RTN3: variants seen among roughly 807,000 people sequenced by gnomAD.
RTN3 encodes the protein reticulon 3.
A neutral mutation model predicts 77.8 loss-of-function variants in RTN3; 49 were observed. The observed-to-expected ratio is 0.63, with a 90% confidence interval of 0.50 to 0.80. The LOEUF is 0.80. RTN3 is among the 30% of genes least tolerant of loss of function. RTN3 has a pLI of 0.00. For synonymous variants in RTN3, 464 were observed against 446.9 expected (o/e 1.04, Z -0.48); for missense variants, 1,236 against 1,211.9 (o/e 1.02, Z -0.29).
chr11:63,688,782 C>T (rs1483243858), intron 1 of RTN3, among the ~76,000 whole-genome samples: 1 of 152,016 alleles, frequency 6.6e-6, no homozygotes, highest in Non-Finnish European at 1.5e-5. Context: ...ATATATTTAT[C>T]CTGATATAGG....
At chr11:63,755,260 CTT>C (rs2014314809) in intron 7 of RTN3, among the ~76,000 whole-genome samples, 2 of 152,124 alleles carry the variant, frequency 1.3e-5, no homozygotes, top group South Asian at 4.1e-4. Context: ...CCAAGTAAGA[CTT>C]AACCTCTGCA....
At chr11:63,725,743 C>T (rs1226215273) in intron 3 of RTN3, among the ~76,000 whole-genome samples, 1 of 152,306 alleles carries the variant, frequency 6.6e-6, no homozygotes, top group African/African-American at 2.4e-5. Context: ...TGAGCCACCG[C>T]GCCCGGCCTT....
rs756964576 is a variant in RTN3, at chr11:63,753,100, T to C, written c.2909T>C (p.Val970Ala). Reference sequence around the variant, plus strand: ...GTCTTCATGTGGCTGATGACCTATGTTGGTGCTGTTTTTAACGGAATCACC... The same window carrying C: ...GTCTTCATGTGGCTGATGACCTATGCTGGTGCTGTTTTTAACGGAATCACC... Reference protein sequence around the residue: ...LAVFMWLMTYVGAVFNGITLL... With the variant: ...LAVFMWLMTYAGAVFNGITLL... The change falls in exon 6 of 9, where the codon GTT becomes GCT. Residue 970 changes from valine (V) to alanine (A), a missense_variant. Physicochemically the swap from Val to Ala is moderately conservative, Grantham distance 64 (BLOSUM62 0). Around this residue, in one of 3 missense-constraint regions of RTN3, gnomAD observed 141 missense variants for 154.9 expected, o/e 0.91. Coordinates refer to ENST00000377819, the MANE Select transcript of RTN3 (RefSeq NM_001265589.2). The C allele has an allele frequency of 6.2e-7, 1 of 1,614,208 alleles. No individual in the cohort carries two copies. Among genetic ancestry groups the C allele is most frequent in the Non-Finnish European group, 8.5e-7 (1 of 1,180,024 alleles).
chr11:63,718,397 C>T (rs1016694377), intron 2 of RTN3, among the ~76,000 whole-genome samples: 2 of 152,084 alleles, frequency 1.3e-5, no homozygotes, highest in Non-Finnish European at 2.9e-5. Context: ...TCAATCTTAC[C>T]GCCCTTCTTT....
intron 3 of RTN3, among the ~76,000 whole-genome samples, chr11:63,722,659 T>C (rs1431109244): frequency 3.3e-5 from 5 of 152,240 alleles, no homozygotes; most frequent in Non-Finnish European, 7.3e-5. Context: ...ATAGCTCTTA[T>C]ACTCTAGCAT....
intron 3 of RTN3, among the ~76,000 whole-genome samples, chr11:63,731,974 T>C (rs1413614753): frequency 1.3e-5 from 2 of 151,994 alleles, no homozygotes; most frequent in African/African-American, 2.4e-5. Context: ...TAAATGCTTA[T>C]ATTGGAAAAG....
At chr11:63,722,014 T>G (rs904547811) in intron 3 of RTN3, among the ~76,000 whole-genome samples, 12 of 152,182 alleles carry the variant, frequency 7.9e-5, no homozygotes, top group Non-Finnish European at 1.6e-4. Context: ...TTCTCTTGTC[T>G]TTTATCTATT....
intron 2 of RTN3, among the ~76,000 whole-genome samples, chr11:63,709,746 A>AGAAAATTCAAGTGTAGGAAAACCTATACC: frequency 6.6e-6 from 1 of 152,202 alleles, no homozygotes; most frequent in Non-Finnish European, 1.5e-5. Context: ...TGTGAACATG[A>AGAAAATTCAAGTGTAGGAAAACCTATACC]GAAAATTCAA....
chr11:63,725,195 A>G (rs1383501642), intron 3 of RTN3, among the ~76,000 whole-genome samples: 1 of 152,144 alleles, frequency 6.6e-6, no homozygotes, highest in Non-Finnish European at 1.5e-5. Flanking sequence ...TTTTAAATAA[A>G]TGTGTTTGTA....
At chr11:63,754,649 G>A (rs371911939) in intron 7 of RTN3, among the ~76,000 whole-genome samples, 5 of 141,238 alleles carry the variant, frequency 3.5e-5, no homozygotes, top group Admixed American at 7.4e-5. Flanking sequence ...GCAGTGAGCC[G>A]AGATTGCACC....
chr11:63,710,948 G>A (rs1001430996), intron 2 of RTN3, among the ~76,000 whole-genome samples: 2 of 152,152 alleles, frequency 1.3e-5, no homozygotes, highest in Admixed American at 1.3e-4. Context: ...CTTTGACCCT[G>A]CTGGTGGTAA....
chr11:63,712,467 T>G (rs918306438), intron 2 of RTN3, among the ~76,000 whole-genome samples: 3 of 148,908 alleles, frequency 2.0e-5, no homozygotes, highest in African/African-American at 7.4e-5. Context: ...TTAGTAATTG[T>G]GATTAAAGGA....
intron 7 of RTN3, among the ~76,000 whole-genome samples, chr11:63,755,064 A>C (rs1415309322): frequency 3.3e-5 from 5 of 151,822 alleles, no homozygotes; most frequent in Non-Finnish European, 2.9e-5. Context: ...AGTATACTAG[A>C]TGCCATGAGA....
chr11:63,691,114 C>CTTTTTTT (rs796809025), intron 1 of RTN3, among the ~76,000 whole-genome samples: 119 of 91,884 alleles, frequency 1.3e-3, no homozygotes, highest in Non-Finnish European at 1.7e-3. Context: ...ATTGCTAATT[C>CTTTTTTT]TTTTTTTTTT....
chr11:63,753,786 G>A, intron 7 of RTN3, 78 bp downstream of exon 7: 1 of 1,261,212 alleles, frequency 7.9e-7, no homozygotes, highest in Non-Finnish European at 1.2e-6. Context: ...GACATTGAAT[G>A]TTCAGAGCAG....
intron 3 of RTN3, among the ~76,000 whole-genome samples, chr11:63,740,083 A>T (rs947964271): frequency 6.6e-6 from 1 of 152,044 alleles, no homozygotes; most frequent in African/African-American, 2.4e-5. Flanking sequence ...TCTATACTCT[A>T]TGTTGGTCTG....
At chr11:63,702,937 G>A (rs778198415) in intron 1 of RTN3, among the ~76,000 whole-genome samples, 70 of 146,126 alleles carry the variant, frequency 4.8e-4, no homozygotes, top group Admixed American at 1.0e-3. Flanking sequence ...TGCCTGCCTC[G>A]GCCTCCCAAA....
chr11:63,699,157 C>T (rs374225682), intron 1 of RTN3, among the ~76,000 whole-genome samples: 3 of 152,000 alleles, frequency 2.0e-5, no homozygotes, highest in East Asian at 3.9e-4. Context: ...AAAAATTAGC[C>T]GTGTGTGGTA....
intron 2 of RTN3, among the ~76,000 whole-genome samples, chr11:63,716,686 C>T (rs763688347): frequency 6.4e-4 from 97 of 152,220 alleles, no homozygotes; most frequent in South Asian, 1.7e-3. Flanking sequence ...AAAAATCAGG[C>T]CAGGCGCGGT....
Sources: allele counts gnomAD v4.1 joint callset (sites outside exome capture counted in the v4.1 genomes callset), GRCh38; gene constraint gnomAD v4.1.1; regional missense constraint gnomAD v4.1.1; transcripts MANE v1.5; gene names NCBI Gene and HGNC (gene_info 2026-07-23, HGNC 2026-07-21).